Variants in PDS5B observed in about 807,000 individuals in gnomAD.
PDS5B encodes the protein sister chromatid cohesion protein PDS5 homolog B.
A neutral mutation model predicts 184.1 loss-of-function variants in PDS5B; 51 were observed. That is an observed-to-expected ratio of 0.28 (90% CI 0.22 to 0.35). The LOEUF is 0.35. Among genes scored for constraint, PDS5B ranks in the 10% least tolerant of loss-of-function variants. The pLI is 1.00. For missense variants in PDS5B, 1,180 were observed against 1,723.3 expected (o/e 0.68, Z 5.58); for synonymous variants, 566 against 569.2 (o/e 0.99, Z 0.08).
At chr13:32,761,037 C>T (rs1954377452) in intron 30 of PDS5B, among the ~76,000 whole-genome samples, 1 of 152,060 alleles carries the variant, frequency 6.6e-6, no homozygotes, top group South Asian at 2.1e-4. Context: ...AATACATAGT[C>T]ATTAAACATG....
intron 22 of PDS5B, 37 bp from the exon 23 acceptor site, chr13:32,742,554 T>A (rs1953595879): frequency 3.2e-6 from 5 of 1,553,658 alleles, no homozygotes; most frequent in Non-Finnish European, 4.4e-6. Context: ...TTTCAAAATG[T>A]ACCAGTGTTT....
intron 1 of PDS5B, among the ~76,000 whole-genome samples, chr13:32,606,424 G>T (rs555203171): frequency 1.3e-5 from 2 of 152,310 alleles, no homozygotes; most frequent in East Asian, 3.9e-4. Context: ...TAGAGTTTCT[G>T]CCGAGAGGTC....
chr13:32,603,438 C>T (rs909901384), intron 1 of PDS5B, among the ~76,000 whole-genome samples: 9 of 152,158 alleles, frequency 5.9e-5, no homozygotes, highest in Non-Finnish European at 1.0e-4. Flanking sequence ...AGGTTCTTTT[C>T]TGTTCCATTG....
chr13:32,751,755 CTT>C (rs1363986261), intron 24 of PDS5B, among the ~76,000 whole-genome samples: 1 of 151,984 alleles, frequency 6.6e-6, no homozygotes, highest in Non-Finnish European at 1.5e-5. Context: ...GGATATTAGA[CTT>C]TTGTTGGATG....
intron 15 of PDS5B, among the ~76,000 whole-genome samples, chr13:32,698,192 A>C (rs1336701690): frequency 6.6e-6 from 1 of 152,132 alleles, no homozygotes; most frequent in Non-Finnish European, 1.5e-5. Context: ...ATAGAATGCT[A>C]AATTGAAAGA....
At chr13:32,654,786 T>C (rs893201123) in intron 3 of PDS5B, among the ~76,000 whole-genome samples, 8 of 152,312 alleles carry the variant, frequency 5.3e-5, no homozygotes, top group Non-Finnish European at 7.3e-5. Context: ...ATGTGGTATT[T>C]GGTTTTCTCT....
At position 32,655,677 on chromosome 13, in the gene PDS5B, CT is replaced by C. The variant is rs200921888; in HGVS notation, c.313-2557del. On this transcript the variant is annotated intron_variant, in intron 3 of 34. Coordinates refer to ENST00000315596, the MANE Select transcript of PDS5B (RefSeq NM_015032.4). Reference sequence around the variant, plus strand: ...TGAGCCACTGCACCCGGCCTGCCCTCTTTTTAATGGGATTGTTTTTTGCTTG... The same window carrying C: ...TGAGCCACTGCACCCGGCCTGCCCTCTTTTAATGGGATTGTTTTTTGCTTG... Among the ~76,000 whole-genome samples the C allele has an allele frequency of 1.6e-3, 244 of 151,926 alleles. 2 individuals carry two copies. Among genetic ancestry groups the C allele is most frequent in the Admixed American group, 0.011 (175 of 15,228 alleles).
intron 34 of PDS5B, among the ~76,000 whole-genome samples, chr13:32,774,035 C>T (rs1362597730): frequency 6.6e-6 from 1 of 152,138 alleles, no homozygotes; most frequent in Non-Finnish European, 1.5e-5. Flanking sequence ...AACTCTTGAC[C>T]TCAAGTGATC....
chr13:32,771,515 C>A (rs1954785349), intron 33 of PDS5B, among the ~76,000 whole-genome samples: 1 of 73,812 alleles, frequency 1.4e-5, no homozygotes, highest in African/African-American at 8.0e-5. Flanking sequence ...CCCACCCATA[C>A]ATAATTACAT....
At chr13:32,774,326 C>T (rs1055875537) in intron 34 of PDS5B, among the ~76,000 whole-genome samples, 1 of 152,018 alleles carries the variant, frequency 6.6e-6, no homozygotes, top group Non-Finnish European at 1.5e-5. Context: ...TGTGAATAAG[C>T]GAGTTAAGTA....
In PDS5B at chr13:32,773,263, G is replaced by T. The variant is rs1351838030; in HGVS notation, c.4247G>T (p.Ser1416Ile). ...SSEEVDVFQG[S>I]SPVDDIPQEE... Reference sequence around the variant, plus strand: ...GAAGAAGTAGATGTGTTTCAGGGTAGCTCTCCTGTCGATGATATTCCACAG... The same window carrying T: ...GAAGAAGTAGATGTGTTTCAGGGTATCTCTCCTGTCGATGATATTCCACAG... The change falls in exon 34 of 35, where the codon AGC (serine) becomes ATC (isoleucine). Residue 1416 changes from serine (S) to isoleucine (I), a missense_variant. Transcript: ENST00000315596. 3 of 1,613,200 alleles carry T rather than the reference G, an allele frequency of 1.9e-6. No individual in the cohort carries two copies. The highest frequency in any genetic ancestry group is 2.5e-6 in the Non-Finnish European group (3 of 1,179,382).
intron 21 of PDS5B, among the ~76,000 whole-genome samples, chr13:32,737,987 T>C (rs1263967169): frequency 6.6e-6 from 1 of 152,200 alleles, no homozygotes; most frequent in East Asian, 1.9e-4. Context: ...CCCTGTATAG[T>C]CTTGGAGGAT....
intron 19 of PDS5B, among the ~76,000 whole-genome samples, chr13:32,731,710 T>C (rs1489479893): frequency 2.6e-5 from 4 of 152,086 alleles, no homozygotes; most frequent in African/African-American, 9.7e-5. Flanking sequence ...GAAAGGTGAA[T>C]TGGAAGAGGC....
Position 32,709,243 on chromosome 13 carries a change from T to C in PDS5B, c.1963-703T>C, listed in dbSNP as rs1276449581. ...AAAAAACCCTATCTTATACAGAGGG[T>C]TTTTGTTGTTTTTATTTTTTAAAAT... On this transcript the variant is annotated intron_variant, in intron 18 of 34. Transcript: ENST00000315596. Among the ~76,000 whole-genome samples the C allele has an allele frequency of 9.9e-5, 15 of 151,926 alleles. 1 individual carries two copies.
chr13:32,743,855 C>T (rs1204300030), intron 23 of PDS5B, among the ~76,000 whole-genome samples: 1 of 152,038 alleles, frequency 6.6e-6, no homozygotes, highest in African/African-American at 2.4e-5. Flanking sequence ...TTAGGAGTTA[C>T]AAATAATAAG....
intron 19 of PDS5B, among the ~76,000 whole-genome samples, chr13:32,727,840 C>T (rs549137352): frequency 6.6e-6 from 1 of 151,810 alleles, no homozygotes; most frequent in South Asian, 2.1e-4. Context: ...AAAAAATTGG[C>T]CATTATTATT....
intron 18 of PDS5B, among the ~76,000 whole-genome samples, chr13:32,709,303 G>A (rs1207315761): frequency 6.6e-6 from 1 of 151,864 alleles, no homozygotes; most frequent in Admixed American, 6.6e-5. Flanking sequence ...TATTTTGAAA[G>A]TGTGTTGTGG....
At chr13:32,746,178 A>T in intron 24 of PDS5B, 78 bp downstream of exon 24, 1 of 1,211,142 alleles carries the variant, frequency 8.3e-7, no homozygotes, top group African/African-American at 1.5e-5. Context: ...TGTGATACAT[A>T]GATTAAAATC....
intron 19 of PDS5B, among the ~76,000 whole-genome samples, chr13:32,729,812 T>G (rs1217389131): frequency 1.3e-5 from 2 of 152,214 alleles, no homozygotes; most frequent in Non-Finnish European, 1.5e-5. Context: ...GTAAATTCGT[T>G]TAAGTTTCTT....
Sources: allele counts gnomAD v4.1 joint callset (sites outside exome capture counted in the v4.1 genomes callset), GRCh38; gene constraint gnomAD v4.1.1; transcripts MANE v1.5; gene names NCBI Gene and HGNC (gene_info 2026-07-23, HGNC 2026-07-21).